Variants in TAF6L observed in about 807,000 individuals in gnomAD.
The protein encoded by TAF6L is TATA-box binding protein associated factor 6 like.
In TAF6L, 34 loss-of-function variants were observed where a neutral mutation model predicts 57.3. The ratio of observed to expected loss-of-function variants is 0.59; its 90% confidence interval spans 0.45 to 0.79. The LOEUF is 0.79. Among genes scored for constraint, TAF6L ranks in the 30% least tolerant of loss-of-function variants. The probability of loss-of-function intolerance (pLI) is 0.00; values close to 1 mark genes in which losing one functional copy is unlikely to be tolerated. For synonymous variants in TAF6L, 417 were observed against 376.3 expected (o/e 1.11, Z -1.25); for missense variants, 782 against 853.2 (o/e 0.92, Z 1.04).
In TAF6L at chr11:62,787,055, C is replaced by G. The variant is rs770550508; in HGVS notation, c.1628C>G (p.Thr543Ser). The change falls in exon 11 of 11, where the codon ACC becomes AGC. Residue 543 changes from threonine (T) to serine (S), a missense_variant. Thr to Ser is a moderately conservative substitution (Grantham distance 58). This residue lies in a region of TAF6L where 483 missense variants were observed against 445.1 expected (regional missense o/e 1.09). Coordinates refer to ENST00000294168, the MANE Select transcript of TAF6L (RefSeq NM_006473.4). ...APRQQGPGTG[T>S]RDVFQKSRFA... ...CGGCAGCAGGGCCCCGGGACCGGCA[C>G]CCGCGACGTTTTCCAGAAGAGCCGT... The G allele has an allele frequency of 7.2e-6, 11 of 1,524,222 alleles. No individual in the cohort carries two copies. Among genetic ancestry groups the G allele is most frequent in the Non-Finnish European group, 6.1e-6 (7 of 1,142,976 alleles). The allele number at this position is 1,524,222 out of a possible 1,614,324, so 94.4% of individuals were successfully genotyped here.
Position 62,778,931 on chromosome 11 carries a change from G to T in TAF6L, c.499G>T (p.Ala167Ser). The T allele has an allele frequency of 6.2e-7, 1 of 1,614,094 alleles. No individual in the cohort carries two copies. Among genetic ancestry groups the T allele is most frequent in the Non-Finnish European group, 8.5e-7 (1 of 1,180,032 alleles). The change falls in exon 6 of 11, where the codon GCT becomes TCT. Residue 167 changes from alanine to serine, a missense_variant. Ala to Ser is a moderately conservative substitution (Grantham distance 99). This residue lies in a region of TAF6L where 220 missense variants were observed against 252.1 expected (regional missense o/e 0.87). Transcript: ENST00000294168. ...LLKYYHQVTR[A>S]VLGDDPQLMK... ...CAAGTACTATCACCAGGTGACTCGT[G>T]CTGTGCTAGGGGATGATCCGCAACT...
At position 62,778,267 on chromosome 11, in the gene TAF6L, T is replaced by A. The variant is rs764315799; in HGVS notation, c.386-18T>A. On this transcript the variant is annotated intron_variant, in intron 4 of 10. Coordinates refer to ENST00000294168, the MANE Select transcript of TAF6L (RefSeq NM_006473.4). ...GGGCAAAACGCCAGGCTGACACATC[T>A]CTCTGCACTGCTTCTAGTTCATGTC... 6.2e-7 allele frequency: 1 copy of A among 1,614,130 alleles called. No homozygotes were observed. Among genetic ancestry groups the A allele is most frequent in the Admixed American group, 1.7e-5 (1 of 60,000 alleles).
rs773347281 is a variant in TAF6L, at chr11:62,775,824, G to C, written c.41G>C (p.Arg14Pro). The C allele has an allele frequency of 1.2e-6, 2 of 1,612,618 alleles. No individual in the cohort carries two copies. Among genetic ancestry groups the C allele is most frequent in the Admixed American group, 1.7e-5 (1 of 59,958 alleles). Residue 14 changes from arginine to proline, a missense_variant, in exon 2 of 11, where the codon CGG becomes CCG. This residue lies in a region of TAF6L where 220 missense variants were observed against 252.1 expected (regional missense o/e 0.87). Transcript: ENST00000294168. ...GAGCGGCGGTTTGTGGAGATCCCTC[G>C]GGAGTCTGTCCGGCTCATGGCGGAG... Reference protein sequence around the residue: ...REERRFVEIPRESVRLMAEST... With the variant: ...REERRFVEIPPESVRLMAEST...
chr11:62,780,081 G>A (rs1375562617), intron 6 of TAF6L, among the ~76,000 whole-genome samples: 1 of 149,704 alleles, frequency 6.7e-6, no homozygotes, highest in Non-Finnish European at 1.5e-5. Flanking sequence ...CACTTTGGGA[G>A]GCAGAGGTGG....
intron 8 of TAF6L, 97 bp downstream of exon 8, chr11:62,782,430 G>T: frequency 7.5e-7 from 1 of 1,330,274 alleles, no homozygotes. Flanking sequence ...GAGAGTCTAT[G>T]AGAAGATGGG....
intron 9 of TAF6L, among the ~76,000 whole-genome samples, chr11:62,783,682 G>A (rs1157375430): frequency 6.6e-6 from 1 of 151,504 alleles, no homozygotes; most frequent in Non-Finnish European, 1.5e-5. Context: ...TTACAGGCAC[G>A]TGCCACCATG....
intron 3 of TAF6L, among the ~76,000 whole-genome samples, chr11:62,776,942 T>C (rs1417617928): frequency 6.7e-6 from 1 of 148,212 alleles, no homozygotes; most frequent in Non-Finnish European, 1.5e-5. Flanking sequence ...AAGTCAGGAG[T>C]TTGAGACCAA....
chr11:62,780,719 C>A (rs187086523), intron 6 of TAF6L, among the ~76,000 whole-genome samples: 1 of 151,484 alleles, frequency 6.6e-6, no homozygotes, highest in Non-Finnish European at 1.5e-5. Context: ...CATGTGAGGC[C>A]GGGAGTTCGA....
rs1249525653 is a variant in TAF6L, at chr11:62,778,149, TGG to T, written c.385+23_385+24del. On this transcript the variant is annotated intron_variant, in intron 4 of 10. Coordinates refer to ENST00000294168, the MANE Select transcript of TAF6L (RefSeq NM_006473.4). ...CAGAGGTGGCTGCCGGGGTCCTGCATGGGTTGGGGATGGGAGTTGGGCCGTGA... is the reference window on the plus strand; with the variant it reads ...CAGAGGTGGCTGCCGGGGTCCTGCATGTTGGGGATGGGAGTTGGGCCGTGA... 4 of 1,613,872 alleles carry T rather than the reference TGG, an allele frequency of 2.5e-6. No homozygotes were observed. In the South Asian group the frequency reaches 4.4e-5, roughly 18 times the overall value.
intron 6 of TAF6L, among the ~76,000 whole-genome samples, chr11:62,780,111 G>A (rs1009319212): frequency 6.0e-5 from 9 of 150,592 alleles, no homozygotes; most frequent in African/African-American, 2.2e-4. Context: ...TTGAAGTCAG[G>A]AGTTCGAGAC....
At chr11:62,781,619 G>A in intron 6 of TAF6L, 1 of 345,174 alleles carries the variant, frequency 2.9e-6, no homozygotes. Flanking sequence ...AGCTTGCAGT[G>A]AGCCAAGATC....
At chr11:62,774,487 T>G in intron 1 of TAF6L, 1 of 435,934 alleles carries the variant, frequency 2.3e-6, no homozygotes, top group South Asian at 1.6e-5. Flanking sequence ...GGTGACCCAT[T>G]GATCCCCTGC....
At chr11:62,784,455 C>T (rs1025842699) in intron 9 of TAF6L, among the ~76,000 whole-genome samples, 38 of 151,336 alleles carry the variant, frequency 2.5e-4, no homozygotes, top group Non-Finnish European at 4.1e-4. Flanking sequence ...TACAGGCGCC[C>T]GCCACCATGC....
intron 1 of TAF6L, among the ~76,000 whole-genome samples, chr11:62,772,696 G>A (rs547831137): frequency 1.3e-5 from 2 of 150,508 alleles, no homozygotes; most frequent in East Asian, 2.0e-4. Flanking sequence ...CAGGTGTGGC[G>A]GCACAGGCCT....
rs746327823 is a variant in TAF6L at position 62,781,953 on chromosome 11, TTATG to T, written c.593_596del (p.Tyr198TrpfsTer5). On this transcript the variant is annotated frameshift_variant, in exon 7 of 11. Coordinates refer to ENST00000294168, the MANE Select transcript of TAF6L (RefSeq NM_006473.4). LOFTEE classifies it high-confidence loss of function. ...TTGGGGCACTCCTGCCTTACTTTGT[TTATG>T]TGGTCAGTGGGGTAAGTGACCAGGC... 1 of 1,614,104 alleles carries T rather than the reference TTATG, an allele frequency of 6.2e-7. No homozygotes were observed. The highest frequency in any genetic ancestry group is 2.2e-5 in the East Asian group (1 of 44,886).
At chr11:62,771,657 G>C (rs1424213685) in intron 1 of TAF6L, 167 bp downstream of exon 1, 1 of 183,248 alleles carries the variant, frequency 5.5e-6, no homozygotes, top group Non-Finnish European at 1.2e-5. Flanking sequence ...CCCGATCTGG[G>C]CTGGGCTAGG....
rs369101203 is a variant in TAF6L at position 62,776,379 on chromosome 11, C to T, written c.148-5C>T. On this transcript the variant is annotated splice_polypyrimidine_tract_variant and splice_region_variant and intron_variant, in intron 2 of 10. Transcript: ENST00000294168. ...TGACTCTGGCTTTTGTTCCCTCCCT[C>T]CCAGAATAGCTCTCAGTTCATGAAG... 33 of 1,613,284 alleles carry T rather than the reference C, an allele frequency of 2.0e-5. No individual in the cohort carries two copies. Among genetic ancestry groups the T allele is most frequent in the Middle Eastern group, 3.3e-4 (2 of 6,058 alleles).
At position 62,786,715 on chromosome 11, in the gene TAF6L, G is replaced by A; in HGVS notation, c.1288G>A (p.Asp430Asn). Reference protein sequence around the residue: ...PLPPGGAGPEDPSLSVTLADI... With the variant: ...PLPPGGAGPENPSLSVTLADI... ...GCCGCCAGGGGGCGCGGGGCCGGAG[G>A]ACCCTTCTCTTTCGGTGACCCTGGC... Residue 430 changes from aspartate (D) to asparagine (N), a missense_variant, in exon 11 of 11, where the codon GAC becomes AAC. Transcript: ENST00000294168. The A allele has an allele frequency of 1.2e-6, 2 of 1,613,114 alleles. No individual in the cohort carries two copies. Among genetic ancestry groups the A allele is most frequent in the African/African-American group, 2.7e-5 (2 of 75,038 alleles).
intron 3 of TAF6L, among the ~76,000 whole-genome samples, chr11:62,777,275 C>T (rs147565978): frequency 7.5e-4 from 114 of 151,978 alleles, no homozygotes; most frequent in African/African-American, 2.5e-3. Context: ...TGCAGTGAGC[C>T]GAGATCACGC....
Sources: gnomAD v4.1 joint callset for allele counts (sites outside exome capture counted in the v4.1 genomes callset) on GRCh38, gnomAD v4.1.1 for gene constraint, gnomAD v4.1.1 regional missense constraint, MANE v1.5 for transcripts, NCBI Gene and HGNC (gene_info 2026-07-23, HGNC 2026-07-21) for gene names.